Variants in TENM3 observed in about 807,000 individuals in gnomAD.
TENM3 encodes the protein teneurin transmembrane protein 3, also known as teneurin-3.
In TENM3, 63 loss-of-function variants were observed where a neutral mutation model predicts 255.1. The ratio of observed to expected loss-of-function variants is 0.25; its 90% confidence interval spans 0.20 to 0.30. The LOEUF (loss-of-function observed/expected upper bound fraction) is 0.30. TENM3 is among the 10% of genes least tolerant of loss of function. TENM3 has a pLI of 1.00. For missense variants in TENM3, 2,929 were observed against 3,461.1 expected, an observed-to-expected ratio of 0.85 and a Z score of 3.86; for synonymous variants, 1,306 against 1,322.3, an observed-to-expected ratio of 0.99 and a Z score of 0.27.
the TENM3 span, among the ~76,000 whole-genome samples, chr4:181,812,139 G>T: frequency 6.6e-5 from 10 of 152,030 alleles, no homozygotes; most frequent in Non-Finnish European, 1.0e-4. Context: ...AAATATTTTG[G>T]CTCACTTAAA....
intron 5 of TENM3, among the ~76,000 whole-genome samples, chr4:182,645,274 T>G (rs947376096): frequency 6.6e-6 from 1 of 151,780 alleles, no homozygotes; most frequent in Non-Finnish European, 1.5e-5. Flanking sequence ...AGTAGAAAAA[T>G]GTAAAGTTTG....
At chr4:182,704,796 C>T (rs1363169300) in intron 12 of TENM3, among the ~76,000 whole-genome samples, 1 of 149,050 alleles carries the variant, frequency 6.7e-6, no homozygotes, top group Non-Finnish European at 1.5e-5. Flanking sequence ...CTTTAAAGCA[C>T]GTGTGCACAC....
At chr4:182,044,587 G>A in the TENM3 span, among the ~76,000 whole-genome samples, 1 of 152,230 alleles carries the variant, frequency 6.6e-6, no homozygotes, top group Non-Finnish European at 1.5e-5. Flanking sequence ...GAGAGGTGGT[G>A]AAGAGGATAG....
chr4:181,593,444 T>C, the TENM3 span, among the ~76,000 whole-genome samples: 1 of 152,174 alleles, frequency 6.6e-6, no homozygotes, highest in Non-Finnish European at 1.5e-5. Flanking sequence ...TGGTCCAAAA[T>C]AGTTTAAGAG....
chr4:182,104,288 C>T, the TENM3 span, among the ~76,000 whole-genome samples: 149 of 152,052 alleles, frequency 9.8e-4, no homozygotes, highest in Non-Finnish European at 1.5e-3. Flanking sequence ...CCAAGCGAGA[C>T]CAGGTGCTTA....
the TENM3 span, among the ~76,000 whole-genome samples, chr4:181,592,035 G>A: frequency 6.6e-6 from 1 of 152,102 alleles, no homozygotes; most frequent in East Asian, 1.9e-4. Context: ...TTCAGTGACA[G>A]GAAGCAGATT....
chr4:181,701,465 C>T, the TENM3 span, among the ~76,000 whole-genome samples: 1 of 152,152 alleles, frequency 6.6e-6, no homozygotes, highest in African/African-American at 2.4e-5. Context: ...TTCCAGAAAA[C>T]CCTGTAGTCA....
At chr4:182,445,011 G>T (rs1037351355) in intron 3 of TENM3, among the ~76,000 whole-genome samples, 7 of 152,120 alleles carry the variant, frequency 4.6e-5, no homozygotes, top group African/African-American at 1.7e-4. Flanking sequence ...GTTTCACTAT[G>T]TTGGCCAGGC....
At chr4:182,213,029 A>G (rs550525685) in intron 1 of TENM3, among the ~76,000 whole-genome samples, 21 of 152,334 alleles carry the variant, frequency 1.4e-4, no homozygotes, top group African/African-American at 4.6e-4. Flanking sequence ...GCACTCTAGC[A>G]TTCCACTGGA....
At chr4:182,362,247 A>C (rs1766060609) in intron 3 of TENM3, among the ~76,000 whole-genome samples, 1 of 152,080 alleles carries the variant, frequency 6.6e-6, no homozygotes, top group South Asian at 2.1e-4. Context: ...GCTCTCTTCA[A>C]AGCTGTCAGA....
the TENM3 span, among the ~76,000 whole-genome samples, chr4:181,686,262 T>G: frequency 6.6e-6 from 1 of 152,190 alleles, no homozygotes; most frequent in Non-Finnish European, 1.5e-5. Context: ...TTAAATGTTT[T>G]AGGATCACTC....
chr4:182,680,366 C>A lies in TENM3; in HGVS notation c.1639+17C>A, dbSNP rs1392447921. 6.3e-7 allele frequency: 1 copy of A among 1,576,254 alleles called. No homozygotes were observed. The highest frequency in any genetic ancestry group is 8.7e-7 in the Non-Finnish European group (1 of 1,150,592). On this transcript the variant is annotated intron_variant, in intron 9 of 27. Transcript: ENST00000511685. ...GTTCAAGAGGTATGCAAGTTAGATTCTTCTCTTAAGCCGATATAAATAAGC... is the reference window on the plus strand; with the variant it reads ...GTTCAAGAGGTATGCAAGTTAGATTATTCTCTTAAGCCGATATAAATAAGC...
At chr4:182,273,352 C>T (rs933697918) in intron 1 of TENM3, among the ~76,000 whole-genome samples, 2 of 152,160 alleles carry the variant, frequency 1.3e-5, no homozygotes, top group African/African-American at 4.8e-5. Flanking sequence ...CGTTCTTAGA[C>T]CTGAGATAAT....
At chr4:181,639,232 A>T in the TENM3 span, among the ~76,000 whole-genome samples, 2 of 152,194 alleles carry the variant, frequency 1.3e-5, no homozygotes, top group African/African-American at 4.8e-5. Flanking sequence ...AGGCATAATA[A>T]CCCAAATGAA....
chr4:182,169,126 C>A (rs34704654), intron 1 of TENM3, among the ~76,000 whole-genome samples: 7,302 of 149,490 alleles, frequency 0.049, 249 homozygotes, highest in Non-Finnish European at 0.07. Context: ...TGAATGCCAT[C>A]TTCTAAGATC....
In TENM3 at chr4:182,673,043, G is replaced by A. The variant is rs1196672358; in HGVS notation, c.1150G>A (p.Asp384Asn). The A allele has an allele frequency of 6.2e-7, 1 of 1,603,374 alleles. No individual in the cohort carries two copies. Among genetic ancestry groups the A allele is most frequent in the South Asian group, 1.1e-5 (1 of 89,316 alleles). The change falls in exon 7 of 28, where the codon GAT (aspartate) becomes AAT (asparagine). Residue 384 changes from aspartate to asparagine, a missense_variant. This residue lies in a region of TENM3 where 1,608 missense variants were observed against 1,884.4 expected (regional missense o/e 0.85). Transcript: ENST00000511685. ...GGFTQENNTI[D>N]SGELDIGRRA... The stretch of plus-strand genomic sequence containing the variant: ...ATTTACGCAAGAAAATAACACCATA[G>A]ATTCCGGAGAACTTGATATTGGCCG...
chr4:181,846,466 T>C, the TENM3 span, among the ~76,000 whole-genome samples: 6 of 152,186 alleles, frequency 3.9e-5, no homozygotes, highest in Admixed American at 3.9e-4. Flanking sequence ...AATTTTCCTG[T>C]TGACTCAACT....
chr4:181,693,395 T>C, the TENM3 span, among the ~76,000 whole-genome samples: 2 of 152,168 alleles, frequency 1.3e-5, no homozygotes, highest in East Asian at 3.9e-4. Context: ...AATTTTATGT[T>C]GGTGTGTTAA....
chr4:182,738,316 A>T, intron 17 of TENM3, 85 bp from the exon 18 acceptor site: 1 of 1,310,248 alleles, frequency 7.6e-7, no homozygotes. Context: ...ACAGATGTGA[A>T]AAAGGCAGTT....
Sources: allele counts gnomAD v4.1 joint callset (sites outside exome capture counted in the v4.1 genomes callset), GRCh38; gene constraint gnomAD v4.1.1; regional missense constraint gnomAD v4.1.1; transcripts MANE v1.5; gene names NCBI Gene and HGNC (gene_info 2026-07-23, HGNC 2026-07-21).